MAP3K1: variants seen among roughly 807,000 people sequenced by gnomAD.
The protein encoded by MAP3K1 is mitogen-activated protein kinase kinase kinase 1, also known as MAP/ERK kinase kinase 1.
A neutral mutation model predicts 144.2 loss-of-function variants in MAP3K1; 36 were observed. The ratio of observed to expected loss-of-function variants is 0.25; its 90% CI spans 0.19 to 0.33. MAP3K1 has a LOEUF of 0.33. Among genes scored for constraint, MAP3K1 ranks in the 10% least tolerant of loss-of-function variants. The probability of loss-of-function intolerance (pLI) is 1.00; values close to 1 mark genes in which losing one functional copy is unlikely to be tolerated. For synonymous variants in MAP3K1, 718 were observed against 688.7 expected, an observed-to-expected ratio of 1.04 and a Z score of -0.67; for missense variants, 1,650 against 1,881.9, an observed-to-expected ratio of 0.88 and a Z score of 2.28.
chr5:56,834,533 A>G (rs768851245), intron 1 of MAP3K1, among the ~76,000 whole-genome samples: 20 of 152,124 alleles, frequency 1.3e-4, no homozygotes, highest in Non-Finnish European at 2.5e-4. Context: ...CCAACATGGT[A>G]AAACCCCGTC....
chr5:56,867,325 T>C (rs1369380127), intron 6 of MAP3K1, among the ~76,000 whole-genome samples: 1 of 152,200 alleles, frequency 6.6e-6, no homozygotes, highest in African/African-American at 2.4e-5. Context: ...TAGATAGATT[T>C]TTGTTTCGTA....
chr5:56,845,227 G>GT (rs1295667195), intron 1 of MAP3K1, among the ~76,000 whole-genome samples: 7 of 152,106 alleles, frequency 4.6e-5, no homozygotes, highest in Admixed American at 3.9e-4. Context: ...GACCACTTTC[G>GT]TAAGTATGTA....
At chr5:56,878,914 A>G in intron 10 of MAP3K1, 66 bp from the exon 11 acceptor site, 1 of 1,469,848 alleles carries the variant, frequency 6.8e-7, no homozygotes, top group East Asian at 2.3e-5. Context: ...AATTGTCTCA[A>G]ATTAGGCCAT....
At chr5:56,865,612 T>G (rs1327333299) in intron 5 of MAP3K1, among the ~76,000 whole-genome samples, 156 bp downstream of exon 5, 1 of 151,910 alleles carries the variant, frequency 6.6e-6, no homozygotes, top group Non-Finnish European at 1.5e-5. Context: ...CATGAGATAT[T>G]TACTAAACTT....
At chr5:56,856,553 T>C in intron 1 of MAP3K1, 47 bp from the exon 2 acceptor site, 1 of 1,507,246 alleles carries the variant, frequency 6.6e-7, no homozygotes, top group Non-Finnish European at 9.2e-7. Context: ...GGAAATTATT[T>C]TTCATATATA....
Position 56,881,268 on chromosome 5 carries a change from A to G in MAP3K1, c.2365A>G (p.Ile789Val), listed in dbSNP as rs1748198096. ...TDVSQAEPVEIRYKKLLSLLT... is the reference protein window; with the variant it reads ...TDVSQAEPVEVRYKKLLSLLT... Reference sequence around the variant, plus strand: ...TGTTTCACAAGCTGAGCCTGTTGAAATCAGGTAATTTTTCTTCTGAAAATG... The same window carrying G: ...TGTTTCACAAGCTGAGCCTGTTGAAGTCAGGTAATTTTTCTTCTGAAAATG... Residue 789 changes from isoleucine to valine, a missense_variant, in exon 13 of 20, where the codon ATC becomes GTC. Ile to Val is a conservative substitution (Grantham distance 29). Coordinates refer to ENST00000399503, the MANE Select transcript of MAP3K1 (RefSeq NM_005921.2). The G allele has an allele frequency of 6.2e-7, 1 of 1,612,700 alleles. No individual in the cohort carries two copies. The highest frequency in any genetic ancestry group is 1.3e-5 in the African/African-American group (1 of 74,974).
At chr5:56,873,522 C>G (rs1747924213) in intron 9 of MAP3K1, among the ~76,000 whole-genome samples, 1 of 152,144 alleles carries the variant, frequency 6.6e-6, no homozygotes, top group Non-Finnish European at 1.5e-5. Context: ...CCTTTACCAT[C>G]TCTTCTGATT....
rs1213203545 is a variant in MAP3K1, at chr5:56,816,120, C to G, written c.482+65C>G. The G allele has an allele frequency of 2.5e-6, 3 of 1,180,750 alleles. No individual in the cohort carries two copies. In the Admixed American group the frequency reaches 1.4e-4, roughly 53 times the overall value. The allele number at this position is 1,180,750 out of a possible 1,614,324, so 73.1% of individuals were successfully genotyped here. A position where few individuals can be genotyped will look rare whatever the true frequency, so the allele number is the denominator to read the frequency against. ...GCGGGCAGAGGGCAATGAATGAACC[C>G]CGGGCACCATGCACGGCGTCCCGGG... On this transcript the variant is annotated intron_variant, in intron 1 of 19. Transcript: ENST00000399503.
intron 1 of MAP3K1, among the ~76,000 whole-genome samples, chr5:56,838,581 G>T (rs1315456932): frequency 6.6e-6 from 1 of 152,224 alleles, no homozygotes; most frequent in Non-Finnish European, 1.5e-5. Context: ...TTAGTGGGCA[G>T]ATGACATCTT....
At chr5:56,831,124 C>T (rs1388270114) in intron 1 of MAP3K1, among the ~76,000 whole-genome samples, 1 of 151,118 alleles carries the variant, frequency 6.6e-6, no homozygotes, top group Non-Finnish European at 1.5e-5. Flanking sequence ...TTTATTTCTG[C>T]ATTCCAGTTC....
chr5:56,859,086 G>T (rs945883583), intron 2 of MAP3K1, among the ~76,000 whole-genome samples: 6 of 135,738 alleles, frequency 4.4e-5, no homozygotes, highest in Admixed American at 7.6e-5. Flanking sequence ...AAAAAAAAAG[G>T]CAGGTCTTGT....
At chr5:56,826,237 TA>T (rs994984860) in intron 1 of MAP3K1, among the ~76,000 whole-genome samples, 2 of 152,184 alleles carry the variant, frequency 1.3e-5, no homozygotes, top group Non-Finnish European at 2.9e-5. Flanking sequence ...GGTATTCCAC[TA>T]AAAAATAAAT....
intron 15 of MAP3K1, 110 bp downstream of exon 15, chr5:56,883,789 C>G: frequency 9.1e-7 from 1 of 1,094,506 alleles, no homozygotes; most frequent in Non-Finnish European, 1.4e-6. Flanking sequence ...GTTCTTTAAA[C>G]TTTGAGAAAC....
At chr5:56,816,786 C>T (rs1008878021) in intron 1 of MAP3K1, among the ~76,000 whole-genome samples, 1 of 152,204 alleles carries the variant, frequency 6.6e-6, no homozygotes, top group African/African-American at 2.4e-5. Flanking sequence ...CTAATTGCAG[C>T]CCCCAAGGGG....
At chr5:56,840,460 T>C (rs1479412145) in intron 1 of MAP3K1, among the ~76,000 whole-genome samples, 4 of 152,316 alleles carry the variant, frequency 2.6e-5, no homozygotes, top group South Asian at 4.1e-4. Context: ...ATAATGAGTA[T>C]TAATTGGCTG....
chr5:56,880,795 A>G lies in MAP3K1; in HGVS notation c.2172A>G (p.Leu724=). Residue 724 remains leucine, a synonymous_variant, in exon 12 of 20, where the codon CTA becomes CTG. Transcript: ENST00000399503. The stretch of plus-strand genomic sequence containing the variant: ...AGTTGGCAGTTGGCAGAGAAATACT[A>G]AAAGCTGGTAATAACTTTTCACTTA... ...AGELAVGREI[L]KAGSIGIGGV... is the part of the protein sequence containing the mutation. The G allele has an allele frequency of 1.2e-6, 2 of 1,612,424 alleles. No homozygotes were observed. Among genetic ancestry groups the G allele is most frequent in the Non-Finnish European group, 1.7e-6 (2 of 1,178,602 alleles).
At chr5:56,882,937 C>T in intron 14 of MAP3K1, 71 bp downstream of exon 14, 4 of 1,249,560 alleles carry the variant, frequency 3.2e-6, no homozygotes, top group South Asian at 2.5e-5. Flanking sequence ...ACCTGGAATT[C>T]CAGCACTTGG....
At chr5:56,879,935 A>G (rs565689904) in intron 11 of MAP3K1, among the ~76,000 whole-genome samples, 139 of 152,242 alleles carry the variant, frequency 9.1e-4, no homozygotes, top group African/African-American at 3.1e-3. Context: ...TGCAAGTCAT[A>G]ATGACTTAGT....
chr5:56,839,575 C>T (rs2111809504), intron 1 of MAP3K1, among the ~76,000 whole-genome samples: 1 of 152,192 alleles, frequency 6.6e-6, no homozygotes, highest in South Asian at 2.1e-4. Context: ...TTTAGTTGAA[C>T]ATTTTGGACA....
Sources: gnomAD v4.1 joint callset for allele counts (sites outside exome capture counted in the v4.1 genomes callset) on GRCh38, gnomAD v4.1.1 for gene constraint, MANE v1.5 for transcripts, NCBI Gene and HGNC (gene_info 2026-07-23, HGNC 2026-07-21) for gene names.